HNMT: variants seen among roughly 807,000 people sequenced by gnomAD.
HNMT encodes histamine N-methyltransferase.
In HNMT, 30 loss-of-function variants were observed where a neutral mutation model predicts 32.1. The observed-to-expected ratio is 0.93, with a 90% CI of 0.70 to 1.27. The LOEUF is 1.27. Ranked by LOEUF, HNMT falls within the 50% of genes most tolerant of loss-of-function variation. The pLI, the probability that HNMT is intolerant of heterozygous loss-of-function variation, is 0.00. For missense variants in HNMT, 327 were observed against 346.0 expected (o/e 0.95, Z 0.43); for synonymous variants, 125 against 119.0 (o/e 1.05, Z -0.33).
At chr2:138,013,348 A>G (rs1681566528) in intron 5 of HNMT, among the ~76,000 whole-genome samples, 1 of 151,982 alleles carries the variant, frequency 6.6e-6, no homozygotes, top group African/African-American at 2.4e-5. Flanking sequence ...GCCCTCACTC[A>G]TTCAGCTCCA....
chr2:137,974,946 A>C (rs935734383), intron 2 of HNMT, among the ~76,000 whole-genome samples: 4 of 152,188 alleles, frequency 2.6e-5, no homozygotes, highest in African/African-American at 9.6e-5. Context: ...ATTTCTACAG[A>C]GGTTAAAACC....
At chr2:138,008,035 T>C (rs530406953) in intron 5 of HNMT, among the ~76,000 whole-genome samples, 2 of 151,970 alleles carry the variant, frequency 1.3e-5, no homozygotes, top group Non-Finnish European at 2.9e-5. Context: ...TGAAGGTTTG[T>C]CACATAGGTA....
Position 138,002,372 on chromosome 2 carries a change from C to T in HNMT, c.429+178C>T, listed in dbSNP as rs923671047. ...AAGATGTTTATTATACTAAGATTCT[C>T]TTTAACATTCCAAAAACCAGTTTTC... On this transcript the variant is annotated intron_variant, in intron 4 of 5. Transcript: ENST00000280097. 3 of 1,030,282 alleles carry T rather than the reference C, an allele frequency of 2.9e-6. No homozygotes were observed. The African/African-American group carries it at 5.0e-5, about 17-fold the overall frequency. The allele number at this position is 1,030,282 out of a possible 1,614,324, so 63.8% of individuals were successfully genotyped here. A position where few individuals can be genotyped will look rare whatever the true frequency, so the allele number is the denominator to read the frequency against.
chr2:138,010,481 A>C (rs1383082151), intron 5 of HNMT, among the ~76,000 whole-genome samples: 9 of 133,100 alleles, frequency 6.8e-5, no homozygotes, highest in East Asian at 4.5e-4. Flanking sequence ...ACACACACAC[A>C]CAGCAAATGG....
intron 2 of HNMT, among the ~76,000 whole-genome samples, chr2:137,978,304 A>G (rs1680348544): frequency 6.8e-6 from 1 of 147,558 alleles, no homozygotes. Context: ...ATGTATGTAT[A>G]TATTAACTGT....
At chr2:137,981,600 C>T (rs1431543301) in intron 2 of HNMT, 1 of 533,822 alleles carries the variant, frequency 1.9e-6, no homozygotes, top group East Asian at 2.9e-5. Context: ...AGTGGGTGCT[C>T]AATAATATTT....
intron 2 of HNMT, among the ~76,000 whole-genome samples, chr2:137,986,129 A>G (rs1009416583): frequency 6.6e-6 from 1 of 151,912 alleles, no homozygotes; most frequent in Admixed American, 6.6e-5. Context: ...GTTGTTTTAT[A>G]TATGTTGATA....
chr2:138,009,741 T>C (rs1681436761), intron 5 of HNMT, among the ~76,000 whole-genome samples: 2 of 152,090 alleles, frequency 1.3e-5, no homozygotes, highest in African/African-American at 2.4e-5. Context: ...CATTGTTTTC[T>C]TTCAATGATG....
At chr2:138,009,083 C>A (rs2104986868) in intron 5 of HNMT, among the ~76,000 whole-genome samples, 1 of 151,850 alleles carries the variant, frequency 6.6e-6, no homozygotes, top group South Asian at 2.1e-4. Flanking sequence ...AAAACGTGGG[C>A]AAAGGACATG....
chr2:138,014,885 C>A lies in HNMT; in HGVS notation c.*755C>A, dbSNP rs1369433917. The A allele has an allele frequency of 1.3e-5, 2 of 151,716 alleles. No homozygotes were observed. Among genetic ancestry groups the A allele is most frequent in the Non-Finnish European group, 2.9e-5 (2 of 67,904 alleles). 9.4% of individuals were successfully genotyped at this position (151,716 alleles called of 1,614,324 possible). A position where few individuals can be genotyped will look rare whatever the true frequency, so the allele number is the denominator to read the frequency against. On this transcript the variant is annotated 3_prime_UTR_variant, in exon 6 of 6. Coordinates refer to ENST00000280097, the MANE Select transcript of HNMT (RefSeq NM_006895.3). ...TTTTGCTTTTTTTAAAAAATGAAAT[C>A]TTTACTATGTTTGAAATTTAGATAA...
At chr2:138,000,646 A>G (rs912363807) in intron 2 of HNMT, among the ~76,000 whole-genome samples, 2 of 152,030 alleles carry the variant, frequency 1.3e-5, no homozygotes, top group African/African-American at 4.8e-5. Context: ...TCCTTCTACA[A>G]TCAACAGCAT....
At chr2:138,002,833 T>C (rs1483944730) in intron 4 of HNMT, 4 of 934,368 alleles carry the variant, frequency 4.3e-6, no homozygotes, top group Non-Finnish European at 5.1e-6. Flanking sequence ...CTCTAATGGT[T>C]TGGGTGGACC....
At chr2:137,980,658 A>G (rs1680464996) in intron 2 of HNMT, among the ~76,000 whole-genome samples, 1 of 152,166 alleles carries the variant, frequency 6.6e-6, no homozygotes, top group African/African-American at 2.4e-5. Context: ...TGATGTTGCA[A>G]AACCCTCAGG....
chr2:137,976,684 A>C (rs1360711876), intron 2 of HNMT, among the ~76,000 whole-genome samples: 1 of 152,240 alleles, frequency 6.6e-6, no homozygotes, highest in Non-Finnish European at 1.5e-5. Flanking sequence ...GATATAGATT[A>C]TAATCATAAA....
intron 2 of HNMT, among the ~76,000 whole-genome samples, chr2:137,978,491 AT>A (rs1222881263): frequency 3.8e-4 from 52 of 136,896 alleles, no homozygotes; most frequent in Admixed American, 5.2e-4. Flanking sequence ...ATAATATAGT[AT>A]TATACAATAC....
Position 138,015,915 on chromosome 2 carries a change from T to C in HNMT, c.*1785T>C, listed in dbSNP as rs969650618. 1 of 152,148 alleles carries C rather than the reference T, an allele frequency of 6.6e-6. No individual in the cohort carries two copies. The highest frequency in any genetic ancestry group is 1.5e-5 in the Non-Finnish European group (1 of 68,008). 9.4% of individuals were successfully genotyped at this position (152,148 alleles called of 1,614,324 possible). A position where few individuals can be genotyped will look rare whatever the true frequency, so the allele number is the denominator to read the frequency against. ...CTTTTTCTCGTCCTTATTAAACCCT[T>C]AGTATACAAGGATAAATAAATTCTC... On this transcript the variant is annotated 3_prime_UTR_variant, in exon 6 of 6. Coordinates refer to ENST00000280097, the MANE Select transcript of HNMT (RefSeq NM_006895.3).
chr2:138,015,027 T>G lies in HNMT; in HGVS notation c.*897T>G, dbSNP rs1390669230. 6.6e-6 allele frequency: 1 copy of G among 152,010 alleles called. No individual in the cohort carries two copies. Among genetic ancestry groups the G allele is most frequent in the African/African-American group, 2.4e-5 (1 of 41,416 alleles). 9.4% of individuals were successfully genotyped at this position (152,010 alleles called of 1,614,324 possible). ...ACCTGTTCTAGCTTAAAATGCAGCT[T>G]TTACCAGATTTCTAGGAATTGGGTA... On this transcript the variant is annotated 3_prime_UTR_variant, in exon 6 of 6. Transcript: ENST00000280097.
intron 2 of HNMT, among the ~76,000 whole-genome samples, chr2:138,000,565 GA>G (rs527841225): frequency 9.9e-3 from 12 of 1,216 alleles, no homozygotes; most frequent in African/African-American, 0.031. Context: ...CTCTCCAGTT[GA>G]TAAAAATCTT....
chr2:137,976,061 G>A (rs1463533135), intron 2 of HNMT, among the ~76,000 whole-genome samples: 1 of 152,106 alleles, frequency 6.6e-6, no homozygotes, highest in Non-Finnish European at 1.5e-5. Flanking sequence ...GAGGTCAGGA[G>A]TTTGAGACCA....
Sources: gnomAD v4.1 joint callset for allele counts (sites outside exome capture counted in the v4.1 genomes callset) on GRCh38, gnomAD v4.1.1 for gene constraint, MANE v1.5 for transcripts, NCBI Gene and HGNC (gene_info 2026-07-23, HGNC 2026-07-21) for gene names.